Variants in ARMH3 observed in about 807,000 individuals in gnomAD.
The protein encoded by ARMH3 is armadillo like helical domain containing 3.
Under a neutral mutation model 99.1 loss-of-function variants are expected in ARMH3, and 60 were observed. That is an observed-to-expected ratio of 0.61 (90% CI 0.49 to 0.75). The LOEUF (loss-of-function observed/expected upper bound fraction) is 0.75, where lower values mean the gene tolerates loss of function less well. Among genes scored for constraint, ARMH3 ranks in the 30% least tolerant of loss-of-function variants. The probability of loss-of-function intolerance (pLI) is 0.00; values close to 1 mark genes in which losing one functional copy is unlikely to be tolerated. For synonymous variants in ARMH3, 285 were observed against 292.8 expected (o/e 0.97, Z 0.27); for missense variants, 679 against 843.1 (o/e 0.81, Z 2.41).
intron 22 of ARMH3, among the ~76,000 whole-genome samples, chr10:101,941,477 G>A (rs756831764): frequency 1.3e-4 from 20 of 152,110 alleles, no homozygotes; most frequent in Non-Finnish European, 2.6e-4. Flanking sequence ...CACTATGTAC[G>A]CCTGACCAAG....
At chr10:101,949,846 T>C (rs1021402091) in intron 22 of ARMH3, among the ~76,000 whole-genome samples, 3 of 152,174 alleles carry the variant, frequency 2.0e-5, no homozygotes, top group African/African-American at 7.2e-5. Flanking sequence ...GATGTTATAA[T>C]CATGTGGGGT....
chr10:101,850,938 G>A (rs1048111918), intron 24 of ARMH3, among the ~76,000 whole-genome samples: 2 of 152,180 alleles, frequency 1.3e-5, no homozygotes, highest in Non-Finnish European at 2.9e-5. Context: ...GTAAGACTTT[G>A]CCAATGTCTC....
At position 102,044,117 on chromosome 10, in the gene ARMH3, G is replaced by A. The variant is rs546510330; in HGVS notation, c.-11-3992C>T. On this transcript the variant is annotated intron_variant, in intron 1 of 25. Transcript: ENST00000370033. The stretch of plus-strand genomic sequence containing the variant: ...TTTTTTTTTTTTTTTTTTTGGAGAC[G>A]GAGTCTCGCTCTGTCGCCCAGGCTG... Among the ~76,000 whole-genome samples, 249 of 126,892 alleles carry A rather than the reference G, an allele frequency of 2.0e-3. 3 individuals carry two copies. The highest frequency in any genetic ancestry group is 1.3e-3 in the South Asian group (5 of 3,880). The allele number at this position is 126,892 out of a possible 152,430, so 83.2% of individuals were successfully genotyped here.
intron 23 of ARMH3, among the ~76,000 whole-genome samples, chr10:101,930,118 C>A (rs953282531): frequency 3.3e-5 from 5 of 152,038 alleles, no homozygotes; most frequent in African/African-American, 1.2e-4. Flanking sequence ...AAATTATACA[C>A]CATGACCAAG....
chr10:101,935,226 A>G (rs1843912416), intron 23 of ARMH3, among the ~76,000 whole-genome samples: 1 of 141,866 alleles, frequency 7.0e-6, no homozygotes, highest in Admixed American at 7.1e-5. Context: ...AAGCAACGAC[A>G]CAACTCTCCT....
intron 20 of ARMH3, among the ~76,000 whole-genome samples, chr10:101,963,229 A>C (rs1178148181): frequency 6.9e-6 from 1 of 144,060 alleles, no homozygotes; most frequent in Admixed American, 7.2e-5. Context: ...TGCAACCTCC[A>C]CCTCCCGGGT....
intron 4 of ARMH3, among the ~76,000 whole-genome samples, chr10:102,030,116 T>C (rs901684680): frequency 1.3e-5 from 2 of 151,982 alleles, no homozygotes; most frequent in Admixed American, 6.6e-5. Flanking sequence ...AGACAGGGTC[T>C]CACCATGTTG....
chr10:102,012,777 A>G, intron 10 of ARMH3, 56 bp downstream of exon 10: 1 of 1,522,174 alleles, frequency 6.6e-7, no homozygotes, highest in East Asian at 2.3e-5. Flanking sequence ...ACAAAACTCT[A>G]ACAACCAATT....
chr10:101,889,412 C>T lies in ARMH3; in HGVS notation c.1860G>A (p.Gln620=), dbSNP rs1351926912. 7 of 1,612,628 alleles carry T rather than the reference C, an allele frequency of 4.3e-6. No individual in the cohort carries two copies. The highest frequency in any genetic ancestry group is 5.9e-6 in the Non-Finnish European group (7 of 1,178,732). Residue 620 remains glutamine, a splice_region_variant and synonymous_variant, in exon 24 of 26, where the codon CAG becomes CAA. Transcript: ENST00000370033. The stretch of plus-strand genomic sequence containing the variant: ...TCATCTGGGGAAAGTAGTGGCTTAC[C>T]TGCTCCTCTGACAGTTGGGATATGT... The part of the protein sequence containing the change: ...VNHISQLSEE[Q]VLEVVRANYD...
intron 23 of ARMH3, among the ~76,000 whole-genome samples, chr10:101,922,072 T>C (rs1843329361): frequency 6.6e-6 from 1 of 152,174 alleles, no homozygotes; most frequent in African/African-American, 2.4e-5. Context: ...ATACAGTCTA[T>C]GCATGTAACC....
chr10:101,947,048 C>T (rs1250016084), intron 22 of ARMH3, among the ~76,000 whole-genome samples: 3 of 151,760 alleles, frequency 2.0e-5, no homozygotes, highest in Non-Finnish European at 2.9e-5. Context: ...ATTAGCCAGG[C>T]GTGGTGGTGG....
chr10:101,929,926 T>G (rs1011077657), intron 23 of ARMH3, among the ~76,000 whole-genome samples: 2 of 152,156 alleles, frequency 1.3e-5, no homozygotes, highest in African/African-American at 4.8e-5. Context: ...ATATTTGCAT[T>G]ATACTTACCA....
chr10:101,849,836 G>C lies in ARMH3; in HGVS notation c.1917C>G (p.Gly639=). 1 of 1,614,142 alleles carries C rather than the reference G, an allele frequency of 6.2e-7. No individual in the cohort carries two copies. ...CTGAGTAGCGCTCATACTGGTCCAG[G>C]CCATCCTGCAGCTTCAGCGTGAGCG... ...YDTLTLKLQD[G]LDQYERYSEQ... is the part of the protein sequence containing the mutation. Residue 639 remains glycine, a synonymous_variant, in exon 25 of 26, where the codon GGC becomes GGG. Transcript: ENST00000370033.
chr10:101,933,824 A>G (rs534305254), intron 23 of ARMH3, among the ~76,000 whole-genome samples: 1 of 152,344 alleles, frequency 6.6e-6, no homozygotes, highest in South Asian at 2.1e-4. Context: ...GCTAGTCAAG[A>G]GTCAACAGCC....
chr10:101,959,692 G>C (rs988294139), intron 20 of ARMH3, among the ~76,000 whole-genome samples: 5 of 152,344 alleles, frequency 3.3e-5, no homozygotes, highest in Admixed American at 2.6e-4. Flanking sequence ...AGGAGGAAGA[G>C]AGCAACTCTG....
intron 24 of ARMH3, among the ~76,000 whole-genome samples, chr10:101,870,668 T>C (rs1449228388): frequency 1.3e-5 from 2 of 152,054 alleles, no homozygotes; most frequent in African/African-American, 4.8e-5. Flanking sequence ...AAGCAAGAAA[T>C]AAAACCAATC....
intron 22 of ARMH3, among the ~76,000 whole-genome samples, chr10:101,953,245 T>C (rs1157953549): frequency 6.6e-6 from 1 of 152,174 alleles, no homozygotes; most frequent in Admixed American, 6.5e-5. Flanking sequence ...TCCTCCCACC[T>C]TAGCCTCCCA....
At chr10:101,864,511 A>G (rs573335648) in intron 24 of ARMH3, among the ~76,000 whole-genome samples, 2 of 152,360 alleles carry the variant, frequency 1.3e-5, no homozygotes, top group South Asian at 2.1e-4. Flanking sequence ...CATCAATGAT[A>G]GACTGGATTA....
intron 23 of ARMH3, among the ~76,000 whole-genome samples, chr10:101,906,410 G>T (rs774823113): frequency 1.3e-5 from 2 of 152,168 alleles, no homozygotes; most frequent in African/African-American, 2.4e-5. Flanking sequence ...AATCCAACTT[G>T]TGACTGAACA....
Sources: allele counts gnomAD v4.1 joint callset (sites outside exome capture counted in the v4.1 genomes callset), GRCh38; gene constraint gnomAD v4.1.1; transcripts MANE v1.5; gene names NCBI Gene and HGNC (gene_info 2026-07-23, HGNC 2026-07-21).